The following NPTN variants were observed in gnomAD, a reference collection of about 807,000 sequenced individuals.
The protein encoded by NPTN is neuroplastin.
In NPTN, 5 loss-of-function variants were observed where a neutral mutation model predicts 42.7. The ratio of observed to expected loss-of-function variants is 0.12; its 90% CI spans 0.06 to 0.25. NPTN has a LOEUF of 0.25. Among genes scored for constraint, NPTN ranks in the 10% least tolerant of loss-of-function variants. NPTN has a pLI of 1.00. For missense variants in NPTN, 307 were observed against 525.4 expected, an observed-to-expected ratio of 0.58 and a Z score of 4.06; for synonymous variants, 180 against 201.9, an observed-to-expected ratio of 0.89 and a Z score of 0.92.
At chr15:73,595,004 A>C (rs1199554622) in intron 2 of NPTN, among the ~76,000 whole-genome samples, 1 of 152,176 alleles carries the variant, frequency 6.6e-6, no homozygotes, top group Non-Finnish European at 1.5e-5. Context: ...TGGCTCTCCA[A>C]AACAGCTAAC....
At chr15:73,632,945 G>A (rs1291545188) in intron 1 of NPTN, 180 bp downstream of exon 1, 2 of 449,978 alleles carry the variant, frequency 4.4e-6, no homozygotes, top group East Asian at 3.6e-5. Flanking sequence ...GGAGCCTCCG[G>A]TCCTCACACC....
intron 4 of NPTN, among the ~76,000 whole-genome samples, chr15:73,581,477 T>C (rs985266674): frequency 3.3e-5 from 5 of 152,214 alleles, no homozygotes; most frequent in African/African-American, 1.2e-4. Context: ...TTCTCTGGCC[T>C]TGTTAGTCAC....
At chr15:73,600,561 G>A (rs1173989072) in intron 1 of NPTN, among the ~76,000 whole-genome samples, 1 of 152,144 alleles carries the variant, frequency 6.6e-6, no homozygotes, top group African/African-American at 2.4e-5. Context: ...CAAAGAGTCT[G>A]GCCTGGAATC....
Position 73,633,272 on chromosome 15 carries a change from AAGGGAGGGG to A in NPTN, c.-66_-58del. 3.5e-6 allele frequency: 3 copies of A among 862,846 alleles called. No homozygotes were observed. Among genetic ancestry groups the A allele is most frequent in the Non-Finnish European group, 5.2e-6 (3 of 576,888 alleles). 53.4% of individuals were successfully genotyped at this position (862,846 alleles called of 1,614,324 possible). On this transcript the variant is annotated 5_prime_UTR_variant, in exon 1 of 9. Coordinates refer to ENST00000345330, the MANE Select transcript of NPTN (RefSeq NM_012428.4). ...GCCGGGGCCAGAGCCGGGGCCGGGG[AAGGGAGGGG>A]AGGGAGGGAGGGGGCGGGCGAGTGC...
intron 6 of NPTN, chr15:73,563,463 T>C (rs1180054912): frequency 7.2e-7 from 1 of 1,389,866 alleles, no homozygotes; most frequent in Non-Finnish European, 9.3e-7. Flanking sequence ...ATGGCAGGTA[T>C]GTTGTTTCAA....
In NPTN at chr15:73,560,152, T is replaced by C; in HGVS notation, c.*911A>G. The C allele has an allele frequency of 2.9e-6, 1 of 349,842 alleles. No homozygotes were observed. Among genetic ancestry groups the C allele is most frequent in the African/African-American group, 2.2e-5 (1 of 46,504 alleles). The allele number at this position is 349,842 out of a possible 1,614,324, so 21.7% of individuals were successfully genotyped here. A position where few individuals can be genotyped will look rare whatever the true frequency, so the allele number is the denominator to read the frequency against. Reference sequence around the variant, plus strand: ...GCATGAGAACCGTTAGGTTATAAAATCTATCATCAACCAGTAAATCAATGT... The same window carrying C: ...GCATGAGAACCGTTAGGTTATAAAACCTATCATCAACCAGTAAATCAATGT... On this transcript the variant is annotated 3_prime_UTR_variant, in exon 9 of 9. Transcript: ENST00000345330.
intron 1 of NPTN, among the ~76,000 whole-genome samples, chr15:73,609,383 C>T (rs1473113636): frequency 6.6e-6 from 1 of 152,174 alleles, no homozygotes; most frequent in Non-Finnish European, 1.5e-5. Context: ...GTAATCCCAG[C>T]GCTTTGGGAG....
At chr15:73,567,222 G>T in intron 6 of NPTN, 2 of 985,058 alleles carry the variant, frequency 2.0e-6, no homozygotes, top group South Asian at 9.4e-5. Flanking sequence ...TATGACGACT[G>T]TGCATTCATA....
intron 5 of NPTN, among the ~76,000 whole-genome samples, chr15:73,573,432 T>A (rs1053621647): frequency 3.3e-5 from 5 of 152,150 alleles, no homozygotes; most frequent in Non-Finnish European, 7.3e-5. Context: ...CAGTGAGCAA[T>A]CTAATCTCTT....
intron 1 of NPTN, among the ~76,000 whole-genome samples, chr15:73,626,318 A>C (rs1311659482): frequency 6.6e-6 from 1 of 152,228 alleles, no homozygotes; most frequent in Non-Finnish European, 1.5e-5. Flanking sequence ...TTGAAACAAG[A>C]ACTGCAAGGG....
At chr15:73,632,431 C>A (rs1033161478) in intron 1 of NPTN, among the ~76,000 whole-genome samples, 1 of 151,896 alleles carries the variant, frequency 6.6e-6, no homozygotes, top group African/African-American at 2.4e-5. Context: ...CCCTCTTTAG[C>A]AAACCCAGCC....
In NPTN at chr15:73,569,204, G is replaced by A; in HGVS notation, c.1114+946C>T. 2.0e-6 allele frequency: 2 copies of A among 985,550 alleles called. No homozygotes were observed. Among genetic ancestry groups the A allele is most frequent in the Non-Finnish European group, 2.4e-6 (2 of 830,030 alleles). The allele number at this position is 985,550 out of a possible 1,614,324, so 61.1% of individuals were successfully genotyped here. On this transcript the variant is annotated intron_variant, in intron 6 of 8. Coordinates refer to ENST00000345330, the MANE Select transcript of NPTN (RefSeq NM_012428.4). This position sits in a 1 kb window ranked among gnomAD's most constrained non-coding sequence, Gnocchi z 4.1. ...TCGGCCAATTAATTTCTGTACGCCG[G>A]TCATGTTATAGGGTGGGGATGGGGA... is the stretch of plus-strand genomic sequence containing the variant.
intron 6 of NPTN, chr15:73,568,780 G>T (rs1328070024): frequency 6.1e-6 from 6 of 985,400 alleles, no homozygotes; most frequent in Non-Finnish European, 7.2e-6. Context: ...GTGCACATCT[G>T]GAGGGAGTCA....
At chr15:73,585,355 C>T (rs745372141) in intron 4 of NPTN, among the ~76,000 whole-genome samples, 18 of 152,242 alleles carry the variant, frequency 1.2e-4, no homozygotes, top group African/African-American at 3.9e-4. Context: ...ATCCCCACCC[C>T]GGAGACACTA....
At chr15:73,595,063 T>C (rs1175479935) in intron 2 of NPTN, among the ~76,000 whole-genome samples, 1 of 152,084 alleles carries the variant, frequency 6.6e-6, no homozygotes, top group Admixed American at 6.5e-5. Flanking sequence ...TAGCCAGGAT[T>C]TGGATTTGAT....
rs1227365404 is a variant in NPTN, at chr15:73,570,797, G to A, written c.841-374C>T. ...ACCCCTACAGTCAGGCATGCCTCGGGGACCTCAGGCCTCTCTGATGACCTC... is the reference window on the plus strand; with the variant it reads ...ACCCCTACAGTCAGGCATGCCTCGGAGACCTCAGGCCTCTCTGATGACCTC... On this transcript the variant is annotated intron_variant, in intron 5 of 8. Transcript: ENST00000345330. The surrounding 1 kb of genome is among the most constrained non-coding windows in gnomAD (Gnocchi z 4.0). 1.3e-5 allele frequency among the ~76,000 whole-genome samples: 2 copies of A among 152,144 alleles called. No individual in the cohort carries two copies. The highest frequency in any genetic ancestry group is 4.8e-5 in the African/African-American group (2 of 41,424).
chr15:73,609,981 A>G (rs1317983336), intron 1 of NPTN, among the ~76,000 whole-genome samples: 1 of 152,224 alleles, frequency 6.6e-6, no homozygotes, highest in African/African-American at 2.4e-5. Context: ...TTTTCTAGCT[A>G]TAAAACACTA....
intron 1 of NPTN, among the ~76,000 whole-genome samples, chr15:73,623,638 G>C (rs1210277127): frequency 1.3e-5 from 2 of 152,146 alleles, no homozygotes; most frequent in East Asian, 3.9e-4. Flanking sequence ...AGTGAGTAAT[G>C]ATCACGCCAC....
intron 6 of NPTN, chr15:73,567,484 A>G: frequency 5.1e-6 from 5 of 985,404 alleles, no homozygotes; most frequent in Non-Finnish European, 6.0e-6. Context: ...ATATATCTAT[A>G]TGAAAATTTG....
Sources: allele counts gnomAD v4.1 joint callset (sites outside exome capture counted in the v4.1 genomes callset), GRCh38; gene constraint gnomAD v4.1.1; non-coding constraint Gnocchi (gnomAD v3.1); transcripts MANE v1.5; gene names NCBI Gene and HGNC (gene_info 2026-07-23, HGNC 2026-07-21).